Variants in CLPTM1 observed in about 807,000 individuals in gnomAD.
The protein encoded by CLPTM1 is CLPTM1 regulator of GABA type A receptor forward trafficking.
In CLPTM1, 21 loss-of-function variants were observed where a neutral mutation model predicts 77.3. That is an observed-to-expected ratio of 0.27 (90% confidence interval 0.19 to 0.39). The LOEUF (loss-of-function observed/expected upper bound fraction) is 0.39. Ranked by LOEUF, CLPTM1 falls within the 10% of genes least tolerant of loss-of-function variation. CLPTM1 has a pLI of 1.00. For synonymous variants in CLPTM1, 373 were observed against 381.0 expected (o/e 0.98, Z 0.24); for missense variants, 642 against 921.2 (o/e 0.70, Z 3.92).
At chr19:44,955,336 C>T (rs2238682), upstream of CLPTM1, 370,674 of 1,297,260 alleles carry the variant, frequency 0.29, 52,961 homozygotes, top group East Asian at 0.48. Context: ...CGCGCGATTG[C>T]GCTGCGAAGT....
intron 2 of CLPTM1, among the ~76,000 whole-genome samples, chr19:44,967,514 G>C (rs878871553): frequency 8.5e-5 from 13 of 152,134 alleles, no homozygotes; most frequent in African/African-American, 3.1e-4. Context: ...AAAATTAGCC[G>C]GGCATGGCGG....
intron 3 of CLPTM1, among the ~76,000 whole-genome samples, 174 bp from the exon 4 acceptor site, chr19:44,974,262 CATG>C (rs1253730331): frequency 2.6e-5 from 4 of 152,186 alleles, no homozygotes; most frequent in Admixed American, 6.5e-5. Context: ...CCAGGACAAA[CATG>C]GTGGTATGAG....
chr19:44,990,493 C>T lies in CLPTM1; in HGVS notation c.1231C>T (p.Leu411=). ...FQSFVVLLYI[L]DNETNFVVQV... ...GTCATTCGTGGTCCTCCTCTACATCCTGGACAACGAGACCAACTTCGTGGT... is the reference window on the plus strand; with the variant it reads ...GTCATTCGTGGTCCTCCTCTACATCTTGGACAACGAGACCAACTTCGTGGT... Residue 411 remains leucine (L), a synonymous_variant, in exon 10 of 14, where the codon CTG becomes TTG. Transcript: ENST00000337392. The surrounding 1 kb of genome is among the most constrained non-coding windows in gnomAD (Gnocchi z 4.8). The T allele has an allele frequency of 6.2e-7, 1 of 1,614,160 alleles. No homozygotes were observed. Among genetic ancestry groups the T allele is most frequent in the Non-Finnish European group, 8.5e-7 (1 of 1,180,000 alleles).
Position 44,992,945 on chromosome 19 carries a change from G to A in CLPTM1, c.*48G>A, listed in dbSNP as rs1971104843. ...CCGGCTCCTGGCGACCACTACCCCT[G>A]CGTCCCGGCCCCCTCGCCTCCCCTC... On this transcript the variant is annotated 3_prime_UTR_variant, in exon 14 of 14. Coordinates refer to ENST00000337392, the MANE Select transcript of CLPTM1 (RefSeq NM_001294.4). The surrounding 1 kb of genome is among the most constrained non-coding windows in gnomAD (Gnocchi z 7.7). 3 of 1,585,768 alleles carry A rather than the reference G, an allele frequency of 1.9e-6. No homozygotes were observed. The highest frequency in any genetic ancestry group is 2.6e-6 in the Non-Finnish European group (3 of 1,166,956).
At chr19:44,980,033 T>A (rs969520076) in intron 5 of CLPTM1, among the ~76,000 whole-genome samples, 3 of 152,150 alleles carry the variant, frequency 2.0e-5, no homozygotes, top group African/African-American at 7.2e-5. Flanking sequence ...TGTGGTGAGG[T>A]TTATTCACAG....
intron 4 of CLPTM1, 61 bp from the exon 5 acceptor site, chr19:44,977,282 C>A: frequency 1.6e-6 from 2 of 1,236,798 alleles, no homozygotes; most frequent in South Asian, 1.2e-5. Context: ...CCAGGCAGGG[C>A]TTTAACGTTT....
At chr19:44,973,594 C>T (rs995663675) in intron 3 of CLPTM1, among the ~76,000 whole-genome samples, 13 of 151,886 alleles carry the variant, frequency 8.6e-5, no homozygotes, top group Admixed American at 3.3e-4. Flanking sequence ...GAGGTGGGCC[C>T]GGAAGGAGAG....
chr19:44,974,684 A>C (rs1970778966), intron 4 of CLPTM1, 87 bp downstream of exon 4: 9 of 1,492,398 alleles, frequency 6.0e-6, no homozygotes, highest in South Asian at 2.6e-5. Flanking sequence ...TGCTGAGAGC[A>C]TGTGGAGTTT....
upstream of CLPTM1, chr19:44,954,944 A>C: frequency 4.6e-6 from 7 of 1,522,854 alleles, no homozygotes; most frequent in Non-Finnish European, 6.2e-6. Context: ...GGTGGCCAGA[A>C]AGGTTCCTCT....
rs371613768 is a variant in CLPTM1, at chr19:44,986,161, A to T, written c.673-294A>T. On this transcript the variant is annotated intron_variant, in intron 6 of 13. Transcript: ENST00000337392. ...CCGGAAGTTCAAGATCAGCCCAGGC[A>T]GCATAGTGAGACCCCATCTCTTCCA... Among the ~76,000 whole-genome samples the T allele has an allele frequency of 2.6e-5, 4 of 152,134 alleles. No individual in the cohort carries two copies. In the East Asian group the frequency reaches 7.7e-4, roughly 29 times the overall value.
At position 44,992,696 on chromosome 19, in the gene CLPTM1, A is replaced by G; in HGVS notation, c.1809A>G (p.Glu603=). ...TCAACGAGTTTGGCATGAGTGGAGA[A>G]GACCCCACAGCTGCCGCCCCCGTGG... ...TRVNEFGMSG[E]DPTAAAPVAE... The change falls in exon 14 of 14, where the codon GAA becomes GAG. Residue 603 remains glutamate (E), a synonymous_variant. Coordinates refer to ENST00000337392, the MANE Select transcript of CLPTM1 (RefSeq NM_001294.4). The surrounding 1 kb of genome is among the most constrained non-coding windows in gnomAD (Gnocchi z 7.7). The G allele has an allele frequency of 6.2e-7, 1 of 1,613,766 alleles. No individual in the cohort carries two copies. Among genetic ancestry groups the G allele is most frequent in the East Asian group, 2.2e-5 (1 of 44,864 alleles).
intron 2 of CLPTM1, among the ~76,000 whole-genome samples, chr19:44,971,454 C>T (rs1021136528): frequency 6.6e-6 from 1 of 152,142 alleles, no homozygotes; most frequent in Non-Finnish European, 1.5e-5. Context: ...TAACGTATCA[C>T]TTACTATCTG....
Position 44,959,414 on chromosome 19 carries a change from G to A in CLPTM1, c.73-2549G>A, listed in dbSNP as rs151079973. On this transcript the variant is annotated intron_variant, in intron 1 of 13. Coordinates refer to ENST00000337392, the MANE Select transcript of CLPTM1 (RefSeq NM_001294.4). ...CTGTCGCCTAGGCTGGAGTGCAGTG[G>A]TGTGATCCTGGTTCACTGTAGCCTC... Among the ~76,000 whole-genome samples, 825 of 152,182 alleles carry A rather than the reference G, an allele frequency of 5.4e-3. 8 individuals carry two copies. The highest frequency in any genetic ancestry group is 0.017 in the African/African-American group (724 of 41,526).
chr19:44,969,687 CTTT>C (rs11330180), intron 2 of CLPTM1, among the ~76,000 whole-genome samples: 10 of 132,492 alleles, frequency 7.5e-5, no homozygotes, highest in Admixed American at 1.6e-4. Flanking sequence ...TTTAAGGACA[CTTT>C]TTTTTTTTTT....
At chr19:44,956,996 C>G (rs890867257) in intron 1 of CLPTM1, among the ~76,000 whole-genome samples, 1 of 152,138 alleles carries the variant, frequency 6.6e-6, no homozygotes, top group Non-Finnish European at 1.5e-5. Flanking sequence ...TAGCAGCATC[C>G]GTGGCCTCTA....
chr19:44,986,378 G>A, intron 6 of CLPTM1, 77 bp from the exon 7 acceptor site: 1 of 1,527,034 alleles, frequency 6.5e-7, no homozygotes, highest in East Asian at 2.3e-5. Flanking sequence ...GGAACCCTGG[G>A]GAGGAAGTGT....
At chr19:44,970,953 C>G (rs903662573) in intron 2 of CLPTM1, among the ~76,000 whole-genome samples, 46 of 146,016 alleles carry the variant, frequency 3.2e-4, no homozygotes, top group Non-Finnish European at 1.5e-4. Context: ...GCCCCAGCTT[C>G]CCGAATAGCT....
In CLPTM1 at chr19:44,987,444, C is replaced by T. The variant is rs150554721; in HGVS notation, c.1038+21C>T. On this transcript the variant is annotated intron_variant, in intron 8 of 13. Coordinates refer to ENST00000337392, the MANE Select transcript of CLPTM1 (RefSeq NM_001294.4). ...TGAAGGTGAGTGCGGCCGGTGTGGG[C>T]GGGACTTCCCGGTGCCTTCCTGGGC... 26,677 of 1,609,688 alleles carry T rather than the reference C, an allele frequency of 0.017. 287 individuals are homozygous for T. The highest frequency in any genetic ancestry group is 0.02 in the Non-Finnish European group (24,035 of 1,178,450).
intron 1 of CLPTM1, 102 bp downstream of exon 1, chr19:44,955,569 T>G: frequency 9.3e-7 from 1 of 1,071,704 alleles, no homozygotes; most frequent in Non-Finnish European, 1.2e-6. Flanking sequence ...CACTGGGGGC[T>G]CCTTGGCCAG....
Sources: gnomAD v4.1 joint callset for allele counts (sites outside exome capture counted in the v4.1 genomes callset) on GRCh38, gnomAD v4.1.1 for gene constraint, Gnocchi (gnomAD v3.1) non-coding constraint, MANE v1.5 for transcripts, NCBI Gene and HGNC (gene_info 2026-07-23, HGNC 2026-07-21) for gene names.